MUC4: variants seen among roughly 807,000 people sequenced by gnomAD.
MUC4 encodes mucin-4.
Under a neutral mutation model 257.9 loss-of-function variants are expected in MUC4, and 202 were observed. That is an observed-to-expected ratio of 0.78 (90% CI 0.70 to 0.88). The LOEUF (loss-of-function observed/expected upper bound fraction) is 0.88, where lower values mean the gene tolerates loss of function less well. Ranked by LOEUF, MUC4 falls within the 40% of genes least tolerant of loss-of-function variation. MUC4 has a pLI of 0.00. For synonymous variants in MUC4, 2,351 were observed against 2,757.1 expected, an observed-to-expected ratio of 0.85 and a Z score of 4.62; for missense variants, 5,976 against 6,513.7, an observed-to-expected ratio of 0.92 and a Z score of 2.84.
At chr3:195,762,031 G>A (rs1271903515) in intron 14 of MUC4, 56 bp downstream of exon 14, 1 of 1,525,696 alleles carries the variant, frequency 6.6e-7, no homozygotes, top group Non-Finnish European at 8.8e-7. Context: ...CGGCGTGGGG[G>A]TCCGAGCTCC....
At chr3:195,802,759 TAAG>T (rs1735509233) in intron 1 of MUC4, among the ~76,000 whole-genome samples, 1 of 152,198 alleles carries the variant, frequency 6.6e-6, no homozygotes, top group Non-Finnish European at 1.5e-5. Context: ...GCTTCTGTAA[TAAG>T]AAATGGCCAC....
At chr3:195,774,380 CGCTCCCT>C (rs1395904551) in intron 3 of MUC4, 75 bp from the exon 4 acceptor site, 2 of 1,459,214 alleles carry the variant, frequency 1.4e-6, no homozygotes, top group African/African-American at 1.5e-5. Context: ...GATCCCAGAG[CGCTCCCT>C]GCAGGCTGCC....
At chr3:195,774,784 C>A (rs182335415) in intron 3 of MUC4, among the ~76,000 whole-genome samples, 12 of 151,802 alleles carry the variant, frequency 7.9e-5, no homozygotes, top group Admixed American at 3.3e-4. Context: ...CCTGTAATCC[C>A]AGCCACTCGG....
chr3:195,760,887 G>A lies in MUC4; in HGVS notation c.14845C>T (p.Leu4949Phe), dbSNP rs1490537714. The change falls in exon 16 of 25, where the codon CTC becomes TTC. Residue 4949 changes from leucine (L) to phenylalanine (F), a missense_variant. This residue lies in a region of MUC4 where 996 missense variants were observed against 1,137.3 expected (regional missense o/e 0.88). Coordinates refer to ENST00000463781, the MANE Select transcript of MUC4 (RefSeq NM_018406.7). ...SKNYEQANAT[L>F]NQYPPSINGG... ...CCCCAGGCCTCGGGCCACTTACTGA[G>A]GGTGGCGTTCGCCTGCTCGTAGTTT... 2.5e-6 allele frequency: 4 copies of A among 1,613,928 alleles called. No individual in the cohort carries two copies. The South Asian group carries it at 4.4e-5, about 18-fold the overall frequency.
intron 1 of MUC4, among the ~76,000 whole-genome samples, chr3:195,799,229 CTGTGTGTGTGTG>C (rs56897401): frequency 0.012 from 1,408 of 120,170 alleles, 16 homozygotes; most frequent in African/African-American, 0.019. Context: ...ATGTGTGACA[CTGTGTGTGTGTG>C]TGTGTGTGTG....
Position 195,767,579 on chromosome 3 carries a change from C to T in MUC4, c.13530-828G>A, listed in dbSNP as rs866794772. On this transcript the variant is annotated intron_variant, in intron 7 of 24. Transcript: ENST00000463781. ...ATTACCATTGCCACCACCATCACCA[C>T]CACCATCACCACCACCACCATCATC... 1.0e-3 allele frequency among the ~76,000 whole-genome samples: 110 copies of T among 109,572 alleles called. 1 individual carries two copies. Among genetic ancestry groups the T allele is most frequent in the African/African-American group, 2.2e-3 (38 of 17,336 alleles). 71.9% of individuals were successfully genotyped at this position (109,572 alleles called of 152,430 possible).
intron 3 of MUC4, among the ~76,000 whole-genome samples, chr3:195,776,489 T>TACCTTCCACAC (rs1724774133): frequency 4.2e-4 from 1 of 2,364 alleles, no homozygotes; most frequent in Non-Finnish European, 6.4e-4. Context: ...ACCTTCCGCA[T>TACCTTCCACAC]CCATACCTTC....
In MUC4 at chr3:195,780,406, T is replaced by A. The variant is rs760808394; in HGVS notation, c.11174A>T (p.His3725Leu). 1 of 1,535,444 alleles carries A rather than the reference T, an allele frequency of 6.5e-7. No individual in the cohort carries two copies. Among genetic ancestry groups the A allele is most frequent in the Non-Finnish European group, 8.7e-7 (1 of 1,145,526 alleles). The change falls in exon 2 of 25, where the codon CAC becomes CTC. Residue 3725 changes from histidine (H) to leucine (L), a missense_variant. By Grantham distance (99) the His-to-Leu change is moderately conservative. Coordinates refer to ENST00000463781, the MANE Select transcript of MUC4 (RefSeq NM_018406.7). ...VTSTSSVSTG[H>L]VTPLHVTSPS... ...GCTGGTGACATGAAGAGGGGTGACG[T>A]GACCTGTAGATACTGAGGAAGTGCT...
At position 195,755,140 on chromosome 3, in the gene MUC4, C is replaced by G. The variant is rs960667737; in HGVS notation, c.15169-768G>C. ...CAAGCCATCCTCCCACCTCAGCCTC[C>G]CGAGGAGCTGGGGCTACAGGCATGC... On this transcript the variant is annotated intron_variant, in intron 18 of 24. Transcript: ENST00000463781. This position sits in a 1 kb window ranked among gnomAD's most constrained non-coding sequence, Gnocchi z 5.0. Among the ~76,000 whole-genome samples, 49 of 151,978 alleles carry G rather than the reference C, an allele frequency of 3.2e-4. 1 individual carries two copies. The highest frequency in any genetic ancestry group is 6.6e-4 in the Non-Finnish European group (45 of 67,978).
In MUC4 at chr3:195,781,612, G is replaced by T. The variant is rs1728089695; in HGVS notation, c.9968C>A (p.Thr3323Lys). ...GACATGAAGAGGGGTGGCGTGACCT[G>T]TGGATGCTGAGGAAGCGTCGGTGAC... is the stretch of plus-strand genomic sequence containing the variant. ...LLVTDASSAS[T>K]GHATPLHVTS... The change falls in exon 2 of 25, where the codon ACA (threonine) becomes AAA (lysine). Residue 3323 changes from threonine to lysine, a missense_variant. Thr to Lys is a moderately conservative substitution (Grantham distance 78). Transcript: ENST00000463781. The T allele has an allele frequency of 7.5e-6, 4 of 536,860 alleles. No homozygotes were observed. The highest frequency in any genetic ancestry group is 5.1e-4 in the Middle Eastern group (1 of 1,950). The allele number at this position is 536,860 out of a possible 1,614,324, so 33.3% of individuals were successfully genotyped here. A position where few individuals can be genotyped will look rare whatever the true frequency, so the allele number is the denominator to read the frequency against.
chr3:195,758,205 G>A (rs1312035562), intron 17 of MUC4, among the ~76,000 whole-genome samples: 2 of 152,290 alleles, frequency 1.3e-5, no homozygotes, highest in Non-Finnish European at 2.9e-5. Flanking sequence ...GGCAACAGAC[G>A]AAAGCAGCGT....
Position 195,789,549 on chromosome 3 carries a change from C to T in MUC4, c.2031G>A (p.Ser677=), listed in dbSNP as rs765436685. ...CGTCCTGAGGAACAATTTCTGAGGG[C>T]GAGTGCCCACTGGCTGTGAAGGAAG... ...PGSSFTASGH[S]PSEIVPQDAP... The change falls in exon 2 of 25, where the codon TCG becomes TCA. Residue 677 remains serine (S), a synonymous_variant. Transcript: ENST00000463781. The T allele has an allele frequency of 9.9e-6, 16 of 1,613,444 alleles. No homozygotes were observed. Among genetic ancestry groups the T allele is most frequent in the Admixed American group, 3.3e-5 (2 of 59,932 alleles).
At chr3:195,770,740 C>A in intron 5 of MUC4, 1 of 416,968 alleles carries the variant, frequency 2.4e-6, no homozygotes, top group Non-Finnish European at 4.7e-6. Context: ...TTGGAGCCTC[C>A]ACACTGCCCT....
Position 195,760,978 on chromosome 3 carries a change from T to A in MUC4, c.14754A>T (p.Ser4918=), listed in dbSNP as rs748017267. ...HLISNCDGDS[S]CIYDTLALRN... ...GCAGGGCCAGGGTGTCATAGATGCA[T>A]GAGCTATCTCCGTCACAGTTGGAGA... The change falls in exon 16 of 25, where the codon TCA becomes TCT. Residue 4918 remains serine, a synonymous_variant. Transcript: ENST00000463781. The A allele has an allele frequency of 6.2e-7, 1 of 1,613,920 alleles. No individual in the cohort carries two copies. Among genetic ancestry groups the A allele is most frequent in the South Asian group, 1.1e-5 (1 of 91,086 alleles).
chr3:195,774,403 C>G lies in MUC4; in HGVS notation c.12944-98G>C, dbSNP rs993470196. 30 of 1,405,634 alleles carry G rather than the reference C, an allele frequency of 2.1e-5. No homozygotes were observed. In the African/African-American group the frequency reaches 2.8e-4, roughly 13 times the overall value. The allele number at this position is 1,405,634 out of a possible 1,614,324, so 87.1% of individuals were successfully genotyped here. A position where few individuals can be genotyped will look rare whatever the true frequency, so the allele number is the denominator to read the frequency against. ...AGCGCTCCCTGCAGGCTGCCCACAC[C>G]TGTCCTGTGTTCCCCGAGGGCCCCA... is the stretch of plus-strand genomic sequence containing the variant. On this transcript the variant is annotated intron_variant, in intron 3 of 24. Transcript: ENST00000463781.
chr3:195,767,531 C>T (rs1283765782), intron 7 of MUC4, among the ~76,000 whole-genome samples: 4 of 88,170 alleles, frequency 4.5e-5, no homozygotes, highest in Non-Finnish European at 2.3e-5. Flanking sequence ...ACCACCATCG[C>T]CACCACCATC....
chr3:195,751,314 TC>T lies in MUC4; in HGVS notation c.15583-44del, dbSNP rs760403533. 7 of 1,464,686 alleles carry T rather than the reference TC, an allele frequency of 4.8e-6. No homozygotes were observed. In the Admixed American group the frequency reaches 9.1e-5, roughly 19 times the overall value. The allele number at this position is 1,464,686 out of a possible 1,614,324, so 90.7% of individuals were successfully genotyped here. A position where few individuals can be genotyped will look rare whatever the true frequency, so the allele number is the denominator to read the frequency against. On this transcript the variant is annotated intron_variant, in intron 21 of 24. Coordinates refer to ENST00000463781, the MANE Select transcript of MUC4 (RefSeq NM_018406.7). ...AGATGGGGGTGGGGGTGAGGCCCCA[TC>T]CGGGGGGGAGACGCCCTCCCACCTT...
At chr3:195,768,220 T>C (rs369226450) in intron 7 of MUC4, among the ~76,000 whole-genome samples, 12 of 151,980 alleles carry the variant, frequency 7.9e-5, no homozygotes, top group East Asian at 3.9e-4. Flanking sequence ...AAGAAACTAG[T>C]GAAAGCAGTG....
chr3:195,759,492 A>C (rs997247677), intron 16 of MUC4, among the ~76,000 whole-genome samples: 4 of 152,174 alleles, frequency 2.6e-5, no homozygotes, highest in Non-Finnish European at 5.9e-5. Flanking sequence ...CTCCTCAAAA[A>C]GAGCTCCTTT....
Sources: allele counts gnomAD v4.1 joint callset (sites outside exome capture counted in the v4.1 genomes callset), GRCh38; gene constraint gnomAD v4.1.1; regional missense constraint gnomAD v4.1.1; non-coding constraint Gnocchi (gnomAD v3.1); transcripts MANE v1.5; gene names NCBI Gene and HGNC (gene_info 2026-07-23, HGNC 2026-07-21).